CACNA2D4: variants seen among roughly 807,000 people sequenced by gnomAD.
CACNA2D4 encodes the protein voltage-dependent calcium channel subunit alpha-2/delta-4.
In CACNA2D4, 157 loss-of-function variants were observed where a neutral mutation model predicts 163.8. The observed-to-expected ratio is 0.96, with a 90% CI of 0.84 to 1.09. The LOEUF (loss-of-function observed/expected upper bound fraction) is 1.09, where lower values mean the gene tolerates loss of function less well. Among genes scored for constraint, CACNA2D4 ranks in the 50% least tolerant of loss-of-function variants. The probability of loss-of-function intolerance (pLI) is 0.00; values close to 1 mark genes in which losing one functional copy is unlikely to be tolerated. For missense variants in CACNA2D4, 1,410 were observed against 1,479.9 expected, an observed-to-expected ratio of 0.95 and a Z score of 0.78; for synonymous variants, 598 against 586.9, an observed-to-expected ratio of 1.02 and a Z score of -0.27.
At chr12:1,871,449 C>G (rs1217573020) in intron 18 of CACNA2D4, among the ~76,000 whole-genome samples, 1 of 143,770 alleles carries the variant, frequency 7.0e-6, no homozygotes, top group Non-Finnish European at 1.5e-5. Flanking sequence ...CTGTATGTTG[C>G]TGGTGTGTGT....
intron 26 of CACNA2D4, among the ~76,000 whole-genome samples, chr12:1,839,422 G>A (rs1363436362): frequency 6.6e-6 from 1 of 152,260 alleles, no homozygotes; most frequent in African/African-American, 2.4e-5. Flanking sequence ...CGAAGAAACT[G>A]AAAGTCAGGA....
At position 1,802,388 on chromosome 12, in the gene CACNA2D4, AC is replaced by A. The variant is rs1355730358; in HGVS notation, c.2722-745del. On this transcript the variant is annotated intron_variant, in intron 29 of 37. Transcript: ENST00000382722. This position sits in a 1 kb window ranked among gnomAD's most constrained non-coding sequence, Gnocchi z 4.7. ...CTTCATTTCCAAAAAATAAAACAGG[AC>A]CCTCCCTCCTGCCCCCGGCTCCCCT... Among the ~76,000 whole-genome samples the A allele has an allele frequency of 6.6e-6, 1 of 151,428 alleles. No individual in the cohort carries two copies. The highest frequency in any genetic ancestry group is 1.5e-5 in the Non-Finnish European group (1 of 67,888).
intron 26 of CACNA2D4, among the ~76,000 whole-genome samples, chr12:1,821,162 T>C (rs1283707147): frequency 6.6e-6 from 1 of 152,122 alleles, no homozygotes; most frequent in Non-Finnish European, 1.5e-5. Flanking sequence ...TGTGCTGTCG[T>C]TGTGCCCGGC....
chr12:1,898,599 A>G (rs1866461324), intron 6 of CACNA2D4, among the ~76,000 whole-genome samples: 1 of 152,194 alleles, frequency 6.6e-6, no homozygotes, highest in Non-Finnish European at 1.5e-5. Flanking sequence ...AAAACTGCAG[A>G]AAATAACAAG....
At chr12:1,826,836 A>T (rs552247550) in intron 26 of CACNA2D4, among the ~76,000 whole-genome samples, 6 of 152,286 alleles carry the variant, frequency 3.9e-5, no homozygotes, top group African/African-American at 1.4e-4. Flanking sequence ...CAGGACCCTA[A>T]TGCCCGAGGG....
At position 1,888,894 on chromosome 12, in the gene CACNA2D4, T is replaced by C. The variant is rs141279445; in HGVS notation, c.782-1825A>G. Among the ~76,000 whole-genome samples, 300 of 152,216 alleles carry C rather than the reference T, an allele frequency of 2.0e-3. 1 individual carries two copies. Among genetic ancestry groups the C allele is most frequent in the African/African-American group, 6.8e-3 (284 of 41,526 alleles). ...GAAGCACAGCGTATCCCAAACAGCA[T>C]GAATAAAAAGATATCCACATATAGA... On this transcript the variant is annotated intron_variant, in intron 6 of 37. Coordinates refer to ENST00000382722, the MANE Select transcript of CACNA2D4 (RefSeq NM_172364.5).
At chr12:1,884,527 G>A (rs1035773415) in intron 11 of CACNA2D4, among the ~76,000 whole-genome samples, 3 of 152,266 alleles carry the variant, frequency 2.0e-5, no homozygotes, top group Admixed American at 1.3e-4. Flanking sequence ...TTTACAGCCT[G>A]GCAGTTCTGA....
chr12:1,894,167 C>G (rs1166237722), intron 6 of CACNA2D4, among the ~76,000 whole-genome samples: 1 of 152,060 alleles, frequency 6.6e-6, no homozygotes, highest in African/African-American at 2.4e-5. Context: ...TGGACACATA[C>G]AAGCTACCAA....
chr12:1,860,224 G>A lies in CACNA2D4; in HGVS notation c.1879-18C>T. 6.2e-7 allele frequency: 1 copy of A among 1,608,376 alleles called. No homozygotes were observed. Among genetic ancestry groups the A allele is most frequent in the Non-Finnish European group, 8.5e-7 (1 of 1,175,594 alleles). ...ACTCGCTTCTGAAAGAGTAGACAAGGAAAGAGTGCTCACGCAGAGAAGAGC... is the reference window on the plus strand; with the variant it reads ...ACTCGCTTCTGAAAGAGTAGACAAGAAAAGAGTGCTCACGCAGAGAAGAGC... On this transcript the variant is annotated intron_variant, in intron 18 of 37. Coordinates refer to ENST00000382722, the MANE Select transcript of CACNA2D4 (RefSeq NM_172364.5).
rs1041370178 is a variant in CACNA2D4, at chr12:1,875,112, G to T, written c.1806+139C>A. On this transcript the variant is annotated intron_variant, in intron 17 of 37. Coordinates refer to ENST00000382722, the MANE Select transcript of CACNA2D4 (RefSeq NM_172364.5). The surrounding 1 kb of genome is among the most constrained non-coding windows in gnomAD (Gnocchi z 4.0). ...TCATTTTAGGCATTGCTTGTGGCTT[G>T]AGCTTGGAAAGGCTCTGGGATGAAC... 7 of 644,356 alleles carry T rather than the reference G, an allele frequency of 1.1e-5. No homozygotes were observed. The East Asian group carries it at 1.3e-4, about 12-fold the overall frequency. 39.9% of individuals were successfully genotyped at this position (644,356 alleles called of 1,614,324 possible).
intron 1 of CACNA2D4, among the ~76,000 whole-genome samples, chr12:1,915,812 G>A (rs1037198224): frequency 2.0e-5 from 3 of 152,202 alleles, no homozygotes; most frequent in African/African-American, 7.2e-5. Flanking sequence ...CAGATGGAGC[G>A]GAAGTGGTTT....
chr12:1,907,690 G>T, intron 5 of CACNA2D4, 119 bp from the exon 6 acceptor site: 1 of 1,182,914 alleles, frequency 8.5e-7, no homozygotes, highest in Non-Finnish European at 1.2e-6. Flanking sequence ...CGTGCCTGGT[G>T]GGTGTGCCTG....
chr12:1,809,693 C>A (rs1863642887), intron 29 of CACNA2D4: 5 of 628,378 alleles, frequency 8.0e-6, no homozygotes, highest in Non-Finnish European at 1.4e-5. Flanking sequence ...CCAGCGGGGG[C>A]GGGGGGAGGA....
intron 26 of CACNA2D4, among the ~76,000 whole-genome samples, chr12:1,839,905 C>T (rs563515414): frequency 8.5e-5 from 13 of 152,304 alleles, no homozygotes; most frequent in Admixed American, 3.9e-4. Flanking sequence ...ATCCGATCCC[C>T]GCTAGTTGGG....
rs528334213 is a variant in CACNA2D4 at position 1,869,041 on chromosome 12, T to A, written c.1878+5563A>T. Among the ~76,000 whole-genome samples the A allele has an allele frequency of 3.3e-5, 5 of 152,236 alleles. No individual in the cohort carries two copies. The South Asian group carries it at 8.3e-4, about 25-fold the overall frequency. ...GTATCTTTGGGGTGTCCTGGTCCAA[T>A]CCCCATGGATGCTGAGGGATGACTG... On this transcript the variant is annotated intron_variant, in intron 18 of 37. Transcript: ENST00000382722. This position sits in a 1 kb window ranked among gnomAD's most constrained non-coding sequence, Gnocchi z 4.7.
Position 1,918,448 on chromosome 12 carries a change from A to G in CACNA2D4, c.26T>C (p.Leu9Pro), listed in dbSNP as rs1233775436. 1.3e-6 allele frequency: 2 copies of G among 1,575,744 alleles called. No homozygotes were observed. Among genetic ancestry groups the G allele is most frequent in the Admixed American group, 1.9e-5 (1 of 53,738 alleles). ...GGTGGGCCTGGGGTTGGGGAGGGGA[A>G]GGAGGGCAGAGCAGCCACAGACCAT... MVCGCSAL[L>P]PLPNPRPTMP... Residue 9 changes from leucine to proline, a missense_variant, in exon 1 of 38, where the codon CTT becomes CCT. Leu to Pro is a moderately conservative substitution (Grantham distance 98). Transcript: ENST00000382722.
At chr12:1,909,761 A>C (rs1440011316) in intron 4 of CACNA2D4, 145 bp downstream of exon 4, 2 of 679,438 alleles carry the variant, frequency 2.9e-6, no homozygotes, top group Non-Finnish European at 5.2e-6. Flanking sequence ...AGGCTAGCAC[A>C]TTGCTGTGCC....
intron 20 of CACNA2D4, 52 bp from the exon 21 acceptor site, chr12:1,856,281 G>C: frequency 6.3e-7 from 1 of 1,596,254 alleles, no homozygotes. Context: ...CCATGAGGGT[G>C]TGTGTCTCAA....
intron 32 of CACNA2D4, 114 bp downstream of exon 32, chr12:1,800,272 G>C: frequency 5.0e-6 from 6 of 1,189,376 alleles, no homozygotes; most frequent in Non-Finnish European, 7.4e-6. Context: ...CCTTCCCCGG[G>C]GTCTGGTAGC....
Sources: allele counts gnomAD v4.1 joint callset (sites outside exome capture counted in the v4.1 genomes callset), GRCh38; gene constraint gnomAD v4.1.1; non-coding constraint Gnocchi (gnomAD v3.1); transcripts MANE v1.5; gene names NCBI Gene and HGNC (gene_info 2026-07-23, HGNC 2026-07-21).